FAM83D: variants seen among roughly 807,000 people sequenced by gnomAD.
FAM83D encodes the protein scaffolding CK1 anchoring protein D.
FAM83D carries 26 observed loss-of-function variants against 25.4 expected under a neutral mutation model. That is an observed-to-expected ratio of 1.02 (90% CI 0.75 to 1.42). The LOEUF (loss-of-function observed/expected upper bound fraction) is 1.42. FAM83D is among the 40% of genes most tolerant of loss of function. FAM83D has a pLI of 0.00. For synonymous variants in FAM83D, 310 were observed against 318.5 expected, an observed-to-expected ratio of 0.97 and a Z score of 0.28; for missense variants, 740 against 758.1, an observed-to-expected ratio of 0.98 and a Z score of 0.28.
rs1601340040 is a variant in FAM83D, at chr20:38,952,161, A to G, written c.1399A>G (p.Met467Val). The change falls in exon 4 of 4, where the codon ATG (methionine) becomes GTG (valine). Residue 467 changes from methionine (M) to valine (V), a missense_variant. This residue lies in a region of FAM83D where 375 missense variants were observed against 403.2 expected (regional missense o/e 0.93). Transcript: ENST00000619850. The part of the protein sequence containing the change: ...QSTEGSPVSK[M>V]SVSRSSSLKS... The stretch of plus-strand genomic sequence containing the variant: ...TACAGAAGGGTCACCAGTCTCAAAA[A>G]TGTCTGTATCGAGATCTTCCAGTTT... The G allele has an allele frequency of 1.2e-6, 2 of 1,614,158 alleles. No individual in the cohort carries two copies. The highest frequency in any genetic ancestry group is 4.5e-5 in the East Asian group (2 of 44,880).
chr20:38,926,761 G>T lies in FAM83D; in HGVS notation c.319G>T (p.Asp107Tyr), dbSNP rs935423801. The T allele has an allele frequency of 6.5e-7, 1 of 1,547,296 alleles. No individual in the cohort carries two copies. Among genetic ancestry groups the T allele is most frequent in the Non-Finnish European group, 8.7e-7 (1 of 1,152,820 alleles). ...SSGTYFPEQSDLEPPLLELGW... is the reference protein window; with the variant it reads ...SSGTYFPEQSYLEPPLLELGW... ...GGGCACCTACTTCCCCGAGCAGTCG[G>T]ACCTGGAGCCACCGCTGTTGGAGCT... Residue 107 changes from aspartate to tyrosine, a missense_variant, in exon 1 of 4, where the codon GAC becomes TAC. Around this residue, in one of 3 missense-constraint regions of FAM83D, gnomAD observed 333 missense variants for 298.6 expected, o/e 1.12. Transcript: ENST00000619850.
At position 38,930,466 on chromosome 20, in the gene FAM83D, G is replaced by T. The variant is rs561899693; in HGVS notation, c.483+3541G>T. 1.2e-3 allele frequency among the ~76,000 whole-genome samples: 180 copies of T among 148,022 alleles called. 1 individual carries two copies. Among genetic ancestry groups the T allele is most frequent in the Middle Eastern group, 7.0e-3 (2 of 286 alleles). On this transcript the variant is annotated intron_variant, in intron 1 of 3. Transcript: ENST00000619850. ...CTAGTTCCAGCTCTGAAGCTCAAGT[G>T]TTTTTTTTTTGTTGTTTGTTATTAT...
At chr20:38,932,447 C>T (rs1413852609) in intron 1 of FAM83D, among the ~76,000 whole-genome samples, 3 of 152,182 alleles carry the variant, frequency 2.0e-5, no homozygotes, top group Non-Finnish European at 4.4e-5. Flanking sequence ...GGCTGCTTAC[C>T]AGGTGCTCAG....
chr20:38,926,727 C>G lies in FAM83D; in HGVS notation c.285C>G (p.Asp95Glu). The G allele has an allele frequency of 6.5e-7, 1 of 1,527,220 alleles. No homozygotes were observed. The allele number at this position is 1,527,220 out of a possible 1,614,324, so 94.6% of individuals were successfully genotyped here. Residue 95 changes from aspartate (D) to glutamate (E), a missense_variant, in exon 1 of 4, where the codon GAC (aspartate) becomes GAG (glutamate). By Grantham distance (45) the Asp-to-Glu change is conservative. Coordinates refer to ENST00000619850, the MANE Select transcript of FAM83D (RefSeq NM_030919.3). ...AAEDSFGSSH[D>E]CSSGTYFPEQ... Reference sequence around the variant, plus strand: ...AGGACTCGTTCGGCTCCTCGCACGACTGCTCTTCGGGCACCTACTTCCCCG... The same window carrying G: ...AGGACTCGTTCGGCTCCTCGCACGAGTGCTCTTCGGGCACCTACTTCCCCG...
intron 1 of FAM83D, among the ~76,000 whole-genome samples, chr20:38,941,157 T>A (rs928564391): frequency 1.8e-4 from 28 of 152,182 alleles, no homozygotes; most frequent in African/African-American, 6.8e-4. Flanking sequence ...CCCTGTTCTT[T>A]GCTGTGGGCT....
At chr20:38,930,463 A>G (rs1411295176) in intron 1 of FAM83D, among the ~76,000 whole-genome samples, 2 of 151,922 alleles carry the variant, frequency 1.3e-5, no homozygotes, top group Admixed American at 6.6e-5. Flanking sequence ...CTGAAGCTCA[A>G]GTGTTTTTTT....
In FAM83D at chr20:38,926,730, C is replaced by T. The variant is rs1046352518; in HGVS notation, c.288C>T (p.Cys96=). 6.5e-7 allele frequency: 1 copy of T among 1,528,224 alleles called. No individual in the cohort carries two copies. The highest frequency in any genetic ancestry group is 8.7e-7 in the Non-Finnish European group (1 of 1,144,344). The allele number at this position is 1,528,224 out of a possible 1,614,324, so 94.7% of individuals were successfully genotyped here. ...AEDSFGSSHD[C]SSGTYFPEQS... Reference sequence around the variant, plus strand: ...ACTCGTTCGGCTCCTCGCACGACTGCTCTTCGGGCACCTACTTCCCCGAGC... The same window carrying T: ...ACTCGTTCGGCTCCTCGCACGACTGTTCTTCGGGCACCTACTTCCCCGAGC... The change falls in exon 1 of 4, where the codon TGC becomes TGT. Residue 96 remains cysteine (C), a synonymous_variant. Transcript: ENST00000619850.
chr20:38,938,671 T>A (rs2085688589), intron 1 of FAM83D, among the ~76,000 whole-genome samples: 1 of 152,184 alleles, frequency 6.6e-6, no homozygotes, highest in African/African-American at 2.4e-5. Context: ...GTTTCCTGTT[T>A]CCTTGTATCT....
intron 1 of FAM83D, among the ~76,000 whole-genome samples, chr20:38,935,124 G>GA (rs950656330): frequency 6.6e-6 from 1 of 152,194 alleles, no homozygotes; most frequent in Non-Finnish European, 1.5e-5. Flanking sequence ...TCTCAATGGG[G>GA]AGGAGGGACA....
chr20:38,951,189 C>T lies in FAM83D; in HGVS notation c.777-350C>T, dbSNP rs183395323. Among the ~76,000 whole-genome samples the T allele has an allele frequency of 1.2e-4, 18 of 152,242 alleles. No individual in the cohort carries two copies. The East Asian group carries it at 3.5e-3, about 29-fold the overall frequency. Reference sequence around the variant, plus strand: ...AGGTGGCTCACACCTGTAATCCTAGCACTTTGGAAGGATGAGGTGGGAGGA... The same window carrying T: ...AGGTGGCTCACACCTGTAATCCTAGTACTTTGGAAGGATGAGGTGGGAGGA... On this transcript the variant is annotated intron_variant, in intron 3 of 3. Transcript: ENST00000619850.
In FAM83D at chr20:38,952,510, C is replaced by T. The variant is rs771937592; in HGVS notation, c.1748C>T (p.Ser583Phe). 1.9e-6 allele frequency: 3 copies of T among 1,612,186 alleles called. No individual in the cohort carries two copies. The highest frequency in any genetic ancestry group is 2.5e-6 in the Non-Finnish European group (3 of 1,178,874). Residue 583 changes from serine to phenylalanine, a missense_variant, in exon 4 of 4, where the codon TCC (serine) becomes TTC (phenylalanine). Coordinates refer to ENST00000619850, the MANE Select transcript of FAM83D (RefSeq NM_030919.3). ...GTTAGAGATGTAGCACTTTATCCTT[C>T]CTATCAGTAACTGCTCCGTGTTCAG... ...LAVRDVALYP[S>F]YQ
At chr20:38,944,000 G>GT (rs1024249999) in intron 2 of FAM83D, among the ~76,000 whole-genome samples, 1 of 152,088 alleles carries the variant, frequency 6.6e-6, no homozygotes, top group African/African-American at 2.4e-5. Context: ...CCCAGAATTT[G>GT]TTTTTTAAAA....
At chr20:38,943,276 G>T (rs979632295) in intron 2 of FAM83D, among the ~76,000 whole-genome samples, 1 of 152,012 alleles carries the variant, frequency 6.6e-6, no homozygotes, top group Admixed American at 6.6e-5. Flanking sequence ...TGCCTGCCTC[G>T]GCCTCCCAAA....
At chr20:38,927,498 C>CTTTTTTTTTTT (rs1173092369) in intron 1 of FAM83D, among the ~76,000 whole-genome samples, 8 of 101,412 alleles carry the variant, frequency 7.9e-5, no homozygotes, top group East Asian at 3.0e-4. Flanking sequence ...TCTTTCTTGT[C>CTTTTTTTTTTT]TTTTTTTTTT....
intron 2 of FAM83D, among the ~76,000 whole-genome samples, chr20:38,943,764 C>T (rs957135844): frequency 2.6e-5 from 4 of 152,166 alleles, no homozygotes; most frequent in Non-Finnish European, 5.9e-5. Context: ...GATCTCAGCT[C>T]ACTGCAACTT....
At chr20:38,940,209 C>G (rs1568697431) in intron 1 of FAM83D, among the ~76,000 whole-genome samples, 1 of 152,078 alleles carries the variant, frequency 6.6e-6, no homozygotes, top group East Asian at 1.9e-4. Flanking sequence ...ACAGCTTAGA[C>G]CATCATTAAA....
At chr20:38,936,494 A>G (rs2085679763) in intron 1 of FAM83D, among the ~76,000 whole-genome samples, 1 of 152,228 alleles carries the variant, frequency 6.6e-6, no homozygotes, top group Middle Eastern at 3.2e-3. Context: ...GGTACTGTCA[A>G]TCATCCGTGG....
intron 2 of FAM83D, among the ~76,000 whole-genome samples, chr20:38,942,626 A>G (rs1332738857): frequency 6.6e-6 from 1 of 152,214 alleles, no homozygotes; most frequent in African/African-American, 2.4e-5. Flanking sequence ...GTGGTTGCCT[A>G]GGGCTGGGGA....
At position 38,926,886 on chromosome 20, in the gene FAM83D, C is replaced by G; in HGVS notation, c.444C>G (p.Cys148Trp). The change falls in exon 1 of 4, where the codon TGC (cysteine) becomes TGG (tryptophan). Residue 148 changes from cysteine (C) to tryptophan (W), a missense_variant. Coordinates refer to ENST00000619850, the MANE Select transcript of FAM83D (RefSeq NM_030919.3). The part of the protein sequence containing the change: ...RGAGEGGPYG[C>W]KDALRQQLRS... Reference sequence around the variant, plus strand: ...CTGGCGAAGGTGGCCCCTACGGCTGCAAGGACGCTCTGCGCCAGCAGCTCC... The same window carrying G: ...CTGGCGAAGGTGGCCCCTACGGCTGGAAGGACGCTCTGCGCCAGCAGCTCC... 6.7e-7 allele frequency: 1 copy of G among 1,493,972 alleles called. No homozygotes were observed. Among genetic ancestry groups the G allele is most frequent in the Non-Finnish European group, 8.9e-7 (1 of 1,125,752 alleles). 92.5% of individuals were successfully genotyped at this position (1,493,972 alleles called of 1,614,324 possible). A position where few individuals can be genotyped will look rare whatever the true frequency, so the allele number is the denominator to read the frequency against.
Sources: allele counts gnomAD v4.1 joint callset (sites outside exome capture counted in the v4.1 genomes callset), GRCh38; gene constraint gnomAD v4.1.1; regional missense constraint gnomAD v4.1.1; transcripts MANE v1.5; gene names NCBI Gene and HGNC (gene_info 2026-07-23, HGNC 2026-07-21).